Variants in RAPGEFL1 observed in about 807,000 individuals in gnomAD.
RAPGEFL1 encodes rap guanine nucleotide exchange factor-like 1.
A neutral mutation model predicts 64.4 loss-of-function variants in RAPGEFL1; 31 were observed. The ratio of observed to expected loss-of-function variants is 0.48; its 90% CI spans 0.36 to 0.65. RAPGEFL1 has a LOEUF of 0.65. Ranked by LOEUF, RAPGEFL1 falls within the 30% of genes least tolerant of loss-of-function variation. RAPGEFL1 has a pLI of 0.00. For synonymous variants in RAPGEFL1, 331 were observed against 274.1 expected (o/e 1.21, Z -2.05); for missense variants, 682 against 677.4 (o/e 1.01, Z -0.08).
At position 40,193,995 on chromosome 17, in the gene RAPGEFL1, A is replaced by C; in HGVS notation, c.*207A>C. 2 of 580,978 alleles carry C rather than the reference A, an allele frequency of 3.4e-6. No individual in the cohort carries two copies. Among genetic ancestry groups the C allele is most frequent in the African/African-American group, 1.9e-5 (1 of 52,864 alleles). 36.0% of individuals were successfully genotyped at this position (580,978 alleles called of 1,614,324 possible). A position where few individuals can be genotyped will look rare whatever the true frequency, so the allele number is the denominator to read the frequency against. On this transcript the variant is annotated 3_prime_UTR_variant, in exon 15 of 15. Transcript: ENST00000620260. ...CATTGCTCCTTCAAGCCAAAACTACACTTTGCTGGTTCCTGTCCCCTCTGA... is the reference window on the plus strand; with the variant it reads ...CATTGCTCCTTCAAGCCAAAACTACCCTTTGCTGGTTCCTGTCCCCTCTGA...
chr17:40,193,302 G>C (rs1990341884), intron 13 of RAPGEFL1, 61 bp from the exon 14 acceptor site: 1 of 1,524,986 alleles, frequency 6.6e-7, no homozygotes, highest in South Asian at 1.1e-5. Context: ...CGGAGGGGGA[G>C]CATAAGAGGG....
chr17:40,191,221 T>C lies in RAPGEFL1; in HGVS notation c.1336-95T>C. The C allele has an allele frequency of 1.1e-6, 1 of 881,414 alleles. No homozygotes were observed. The highest frequency in any genetic ancestry group is 1.6e-6 in the Non-Finnish European group (1 of 628,734). The allele number at this position is 881,414 out of a possible 1,614,324, so 54.6% of individuals were successfully genotyped here. ...TCCACCCCTTCCGCCCCCGCCCTCC[T>C]GCCTTTCGCTCCTCATCGCCTTGCA... is the stretch of plus-strand genomic sequence containing the variant. On this transcript the variant is annotated intron_variant, in intron 8 of 14. Transcript: ENST00000620260. The surrounding 1 kb of genome is among the most constrained non-coding windows in gnomAD (Gnocchi z 5.1).
rs1233270783 is a variant in RAPGEFL1, at chr17:40,191,300, G to A, written c.1336-16G>A. 1 of 1,528,488 alleles carries A rather than the reference G, an allele frequency of 6.5e-7. No homozygotes were observed. Among genetic ancestry groups the A allele is most frequent in the African/African-American group, 1.4e-5 (1 of 71,814 alleles). The allele number at this position is 1,528,488 out of a possible 1,614,324, so 94.7% of individuals were successfully genotyped here. A position where few individuals can be genotyped will look rare whatever the true frequency, so the allele number is the denominator to read the frequency against. ...CCCCTGGCGCCCTGGCCGCCCCTCC[G>A]CTGCCGTGGGTGCAGCTGGAGTTCG... On this transcript the variant is annotated splice_polypyrimidine_tract_variant and intron_variant, in intron 8 of 14. Coordinates refer to ENST00000620260, the MANE Select transcript of RAPGEFL1 (RefSeq NM_016339.6). This position sits in a 1 kb window ranked among gnomAD's most constrained non-coding sequence, Gnocchi z 5.1.
At chr17:40,189,033 T>C (rs903582808) in intron 5 of RAPGEFL1, 55 bp downstream of exon 5, 2 of 1,544,254 alleles carry the variant, frequency 1.3e-6, no homozygotes, top group Non-Finnish European at 1.8e-6. Context: ...GGGGGACATA[T>C]CTCTGGGTCT....
Position 40,177,772 on chromosome 17 carries a change from C to G in RAPGEFL1, c.-90C>G. The G allele has an allele frequency of 2.4e-6, 1 of 412,284 alleles. No individual in the cohort carries two copies. The highest frequency in any genetic ancestry group is 4.3e-6 in the Non-Finnish European group (1 of 234,546). The allele number at this position is 412,284 out of a possible 1,614,324, so 25.5% of individuals were successfully genotyped here. On this transcript the variant is annotated 5_prime_UTR_variant, in exon 1 of 15. Transcript: ENST00000620260. ...ACGGCCCTCTACTCTGCTCCTCCAG[C>G]TCTGAGCATCGTGTCTTCGCCGCCC...
intron 4 of RAPGEFL1, among the ~76,000 whole-genome samples, chr17:40,185,823 G>C (rs559004631): frequency 6.6e-6 from 1 of 151,684 alleles, no homozygotes; most frequent in African/African-American, 2.4e-5. Flanking sequence ...AATTAGCTGG[G>C]GGTGGTGGTA....
In RAPGEFL1 at chr17:40,192,681, C is replaced by A; in HGVS notation, c.1732C>A (p.Leu578Met). 1 of 1,613,500 alleles carries A rather than the reference C, an allele frequency of 6.2e-7. No homozygotes were observed. The highest frequency in any genetic ancestry group is 8.5e-7 in the Non-Finnish European group (1 of 1,179,516). Residue 578 changes from leucine (L) to methionine (M), a missense_variant, in exon 12 of 15, where the codon CTG becomes ATG. This residue lies in a region of RAPGEFL1 where 411 missense variants were observed against 519.4 expected (regional missense o/e 0.79). Coordinates refer to ENST00000620260, the MANE Select transcript of RAPGEFL1 (RefSeq NM_016339.6). ...MKPPVIPFVP[L>M]ILKDLTFLHE... is the part of the protein sequence containing the mutation. ...GCCCCCTGTGATTCCCTTCGTGCCT[C>A]TGATCCTCAAAGGTGAGAGAGTTAC... is the stretch of plus-strand genomic sequence containing the variant.
chr17:40,180,237 G>A (rs1989851938), intron 1 of RAPGEFL1, among the ~76,000 whole-genome samples: 1 of 152,190 alleles, frequency 6.6e-6, no homozygotes. Flanking sequence ...GGGTAGCTGG[G>A]CAGGGAGGAA....
chr17:40,184,547 C>T (rs1244347097), intron 3 of RAPGEFL1, 34 bp from the exon 4 acceptor site: 1 of 1,356,590 alleles, frequency 7.4e-7, no homozygotes, highest in East Asian at 2.4e-5. Context: ...GAATGAGACC[C>T]CTTCCTTCAC....
chr17:40,193,587 T>G, intron 14 of RAPGEFL1, 77 bp from the exon 15 acceptor site: 1 of 1,608,972 alleles, frequency 6.2e-7, no homozygotes, highest in African/African-American at 1.3e-5. Context: ...GTCCACAGCC[T>G]GATCTTCTGC....
intron 2 of RAPGEFL1, 112 bp downstream of exon 2, chr17:40,181,806 G>A: frequency 4.7e-6 from 3 of 643,030 alleles, no homozygotes; most frequent in Middle Eastern, 2.5e-4. Flanking sequence ...CTGGGGCCGA[G>A]TGCAGTGGCT....
At chr17:40,193,504 A>G (rs1387659550) in intron 14 of RAPGEFL1, 87 bp downstream of exon 14, 16 of 1,578,648 alleles carry the variant, frequency 1.0e-5, no homozygotes, top group Non-Finnish European at 1.3e-5. Flanking sequence ...CCAGATGTGT[A>G]TTTCCATACA....
rs2145225801 is a variant in RAPGEFL1 at position 40,192,254 on chromosome 17, G to A, written c.1647G>A (p.Glu549=). ...TCAAGAACTTGTTTCGCAAATTTGAGAACCTGACGGTGAGTGGGTTTGGCT... is the reference window on the plus strand; with the variant it reads ...TCAAGAACTTGTTTCGCAAATTTGAAAACCTGACGGTGAGTGGGTTTGGCT... The part of the protein sequence containing the change: ...GKFKNLFRKF[E]NLTDPCRNHK... The change falls in exon 11 of 15, where the codon GAG becomes GAA. Residue 549 remains glutamate, a synonymous_variant. Transcript: ENST00000620260. 6.2e-7 allele frequency: 1 copy of A among 1,614,022 alleles called. No individual in the cohort carries two copies. Among genetic ancestry groups the A allele is most frequent in the Non-Finnish European group, 8.5e-7 (1 of 1,179,894 alleles).
chr17:40,180,986 A>C (rs1598438121), intron 1 of RAPGEFL1, among the ~76,000 whole-genome samples: 1 of 152,202 alleles, frequency 6.6e-6, no homozygotes, highest in Admixed American at 6.5e-5. Context: ...GGGGGTGTGG[A>C]GGGGAAAGGG....
At chr17:40,182,359 T>G (rs1288441459) in intron 2 of RAPGEFL1, among the ~76,000 whole-genome samples, 1 of 151,848 alleles carries the variant, frequency 6.6e-6, no homozygotes, top group Non-Finnish European at 1.5e-5. Flanking sequence ...TCACCCAGGC[T>G]GGAGTACAGT....
chr17:40,187,835 G>A (rs1242694317), intron 4 of RAPGEFL1, among the ~76,000 whole-genome samples: 1 of 150,340 alleles, frequency 6.7e-6, no homozygotes, highest in African/African-American at 2.4e-5. Context: ...GGATGGTCTA[G>A]ATCTCCTGAC....
chr17:40,182,410 C>T (rs542176016), intron 2 of RAPGEFL1, among the ~76,000 whole-genome samples: 1 of 151,626 alleles, frequency 6.6e-6, no homozygotes, highest in African/African-American at 2.4e-5. Flanking sequence ...CTCCTGGGTT[C>T]AAGCGATTCT....
chr17:40,188,765 C>A, intron 4 of RAPGEFL1, 101 bp from the exon 5 acceptor site: 1 of 913,492 alleles, frequency 1.1e-6, no homozygotes, highest in Non-Finnish European at 1.8e-6. Context: ...GCTGGTGCAT[C>A]CTTGACCCAA....
chr17:40,193,169 C>T (rs536443868), intron 13 of RAPGEFL1, among the ~76,000 whole-genome samples, 179 bp downstream of exon 13: 1 of 152,316 alleles, frequency 6.6e-6, no homozygotes, highest in Non-Finnish European at 1.5e-5. Flanking sequence ...GCAGAGCTGA[C>T]AGGCAGCTTG....
Sources: gnomAD v4.1 joint callset for allele counts (sites outside exome capture counted in the v4.1 genomes callset) on GRCh38, gnomAD v4.1.1 for gene constraint, gnomAD v4.1.1 regional missense constraint, Gnocchi (gnomAD v3.1) non-coding constraint, MANE v1.5 for transcripts, NCBI Gene and HGNC (gene_info 2026-07-23, HGNC 2026-07-21) for gene names.